Variants in WDR83 observed in about 807,000 individuals in gnomAD.
WDR83 encodes the protein WD repeat domain 83.
A neutral mutation model predicts 37.7 loss-of-function variants in WDR83; 37 were observed. The ratio of observed to expected loss-of-function variants is 0.98; its 90% CI spans 0.76 to 1.29. WDR83 has a LOEUF of 1.29. Ranked by LOEUF, WDR83 falls within the 50% of genes most tolerant of loss-of-function variation. WDR83 has a pLI of 0.00. For missense variants in WDR83, 445 were observed against 414.4 expected, an observed-to-expected ratio of 1.07 and a Z score of -0.64; for synonymous variants, 174 against 181.1, an observed-to-expected ratio of 0.96 and a Z score of 0.31.
At position 12,670,187 on chromosome 19, in the gene WDR83, G is replaced by A. The variant is rs895651076; in HGVS notation, c.232G>A (p.Asp78Asn). Residue 78 changes from aspartate to asparagine, a missense_variant, in exon 5 of 11, where the codon GAC becomes AAC. Physicochemically the swap from Asp to Asn is conservative, Grantham distance 23. Transcript: ENST00000418543. ...CCTCCTCCTTTACTCCAGCTCCTTT[G>A]ACAACAGTAGTCTCTGCTCCGGCGG... is the stretch of plus-strand genomic sequence containing the variant. ...YEVLDAAGSF[D>N]NSSLCSGGGD... is the part of the protein sequence containing the mutation. The A allele has an allele frequency of 1.9e-6, 3 of 1,613,664 alleles. No homozygotes were observed. The highest frequency in any genetic ancestry group is 2.7e-5 in the African/African-American group (2 of 74,930).
intron 2 of WDR83, 137 bp downstream of exon 2, chr19:12,668,764 G>C: frequency 1.4e-6 from 1 of 699,286 alleles, no homozygotes; most frequent in Non-Finnish European, 2.5e-6. Context: ...AGTCCCACCT[G>C]CTCATGGCAT....
chr19:12,675,187 G>A (rs994312039), intron 10 of WDR83, among the ~76,000 whole-genome samples: 5 of 152,186 alleles, frequency 3.3e-5, no homozygotes, highest in Non-Finnish European at 7.4e-5. Context: ...AGCACTTTGG[G>A]AGGCCAAGGC....
At position 12,675,618 on chromosome 19, in the gene WDR83, C is replaced by T; in HGVS notation, c.894C>T (p.Gly298=). The T allele has an allele frequency of 6.2e-7, 1 of 1,603,750 alleles. No individual in the cohort carries two copies. Among genetic ancestry groups the T allele is most frequent in the Non-Finnish European group, 8.5e-7 (1 of 1,179,908 alleles). The change falls in exon 11 of 11, where the codon GGC becomes GGT. Residue 298 remains glycine, a synonymous_variant. Coordinates refer to ENST00000418543, the MANE Select transcript of WDR83 (RefSeq NM_001099737.3). ...CCTGCCTGCTGACCGCCATGGGAGG[C>T]AGCGTCCAGTGCTGGCGAGAGGAGG... ...TEPCLLTAMG[G]SVQCWREEAY... is the part of the protein sequence containing the mutation.
chr19:12,675,491 C>T, intron 10 of WDR83, 32 bp from the exon 11 acceptor site: 1 of 1,596,042 alleles, frequency 6.3e-7, no homozygotes, highest in East Asian at 2.2e-5. Flanking sequence ...AGCCCAGCCA[C>T]AGATAACCAC....
chr19:12,667,627 C>T (rs2024290260), intron 1 of WDR83, among the ~76,000 whole-genome samples: 2 of 152,118 alleles, frequency 1.3e-5, no homozygotes, highest in African/African-American at 4.8e-5. Flanking sequence ...CCATTGCCCT[C>T]CAGCCTGGGC....
Position 12,669,869 on chromosome 19 carries a change from G to GT in WDR83, c.79_80insT (p.Ala27ValfsTer8). ...GAAGACGCTGGACTGCGGGCAGGGG[G>GT]CAGTGCGAGCCGTACGATTTAATGG... On this transcript the variant is annotated frameshift_variant, in exon 3 of 11. Transcript: ENST00000418543. LOFTEE classifies it high-confidence loss of function. The GT allele has an allele frequency of 6.2e-7, 1 of 1,611,506 alleles. No homozygotes were observed. Among genetic ancestry groups the GT allele is most frequent in the Non-Finnish European group, 8.5e-7 (1 of 1,178,580 alleles).
At chr19:12,670,935 C>T in intron 7 of WDR83, 114 bp downstream of exon 7, 2 of 1,468,656 alleles carry the variant, frequency 1.4e-6, no homozygotes, top group South Asian at 2.6e-5. Context: ...AGCTGTAATC[C>T]CAGCTACTTG....
Position 12,670,177 on chromosome 19 carries a change from C to A in WDR83, c.225-3C>A, listed in dbSNP as rs753326678. 1.2e-6 allele frequency: 2 copies of A among 1,613,214 alleles called. No individual in the cohort carries two copies. Among genetic ancestry groups the A allele is most frequent in the South Asian group, 2.2e-5 (2 of 91,024 alleles). Reference sequence around the variant, plus strand: ...TGCTGATCCTCCTCCTCCTTTACTCCAGCTCCTTTGACAACAGTAGTCTCT... The same window carrying A: ...TGCTGATCCTCCTCCTCCTTTACTCAAGCTCCTTTGACAACAGTAGTCTCT... On this transcript the variant is annotated splice_polypyrimidine_tract_variant and splice_region_variant and intron_variant, in intron 4 of 10. Coordinates refer to ENST00000418543, the MANE Select transcript of WDR83 (RefSeq NM_001099737.3).
Position 12,669,840 on chromosome 19 carries a change from G to A in WDR83, c.50G>A (p.Arg17Gln). ...CGGCCTCCAGAGCTGCCGCAGAAACGGTTGAAGACGCTGGACTGCGGGCAG... is the reference window on the plus strand; with the variant it reads ...CGGCCTCCAGAGCTGCCGCAGAAACAGTTGAAGACGCTGGACTGCGGGCAG... ...KPRPPELPQKRLKTLDCGQGA... is the reference protein window; with the variant it reads ...KPRPPELPQKQLKTLDCGQGA... The change falls in exon 3 of 11, where the codon CGG becomes CAG. Residue 17 changes from arginine to glutamine, a missense_variant. Coordinates refer to ENST00000418543, the MANE Select transcript of WDR83 (RefSeq NM_001099737.3). 1 of 1,612,184 alleles carries A rather than the reference G, an allele frequency of 6.2e-7. No homozygotes were observed. The highest frequency in any genetic ancestry group is 2.2e-5 in the East Asian group (1 of 44,854).
Position 12,673,075 on chromosome 19 carries a change from AT to A in WDR83, c.644del (p.Leu215CysfsTer29), listed in dbSNP as rs1259245061. 1.2e-6 allele frequency: 2 copies of A among 1,613,310 alleles called. No individual in the cohort carries two copies. On this transcript the variant is annotated frameshift_variant, in exon 9 of 11. Transcript: ENST00000418543. LOFTEE classifies it high-confidence loss of function. ...CCCTGGTGTCCAGCCTGGACTCCAC[AT>A]TGCGGCTCCTGGACAAAGACACAGG... Reference protein sequence around the residue: ...CTLVSSLDSTLRLLDKDTGEL... With the variant: ...CTLVSSLDSTXRLLDKDTGEL...
At chr19:12,669,092 G>C (rs181324830) in intron 2 of WDR83, 310 of 1,602,106 alleles carry the variant, frequency 1.9e-4, no homozygotes, top group Non-Finnish European at 2.5e-4. Flanking sequence ...TCGTTCTCAG[G>C]TCCAACTACA....
At chr19:12,669,956 C>T (rs755752670) in intron 3 of WDR83, 21 bp from the exon 4 acceptor site, 4 of 1,605,008 alleles carry the variant, frequency 2.5e-6, no homozygotes, top group East Asian at 2.2e-5. Flanking sequence ...GGCCCAGTAA[C>T]CCCCGCCTGG....
chr19:12,673,471 G>A (rs1243437846), intron 10 of WDR83, among the ~76,000 whole-genome samples, 155 bp downstream of exon 10: 4 of 143,678 alleles, frequency 2.8e-5, no homozygotes, highest in Non-Finnish European at 6.0e-5. Flanking sequence ...AGGCTAGAGT[G>A]CAGTGGCGCA....
intron 7 of WDR83, among the ~76,000 whole-genome samples, chr19:12,671,686 A>G (rs1045896229): frequency 3.3e-5 from 5 of 152,300 alleles, no homozygotes; most frequent in Admixed American, 3.3e-4. Context: ...ATACATAAAA[A>G]TAATCATAAG....
chr19:12,670,003 G>C lies in WDR83; in HGVS notation c.130G>C (p.Gly44Arg). The C allele has an allele frequency of 4.3e-6, 7 of 1,612,046 alleles. No individual in the cohort carries two copies. The highest frequency in any genetic ancestry group is 5.9e-6 in the Non-Finnish European group (7 of 1,178,338). The change falls in exon 4 of 11, where the codon GGC becomes CGC. Residue 44 changes from glycine to arginine, a missense_variant. Transcript: ENST00000418543. Reference sequence around the variant, plus strand: ...GGATGGCAATTACTGCCTGACGTGCGGCAGTGACAAGACGCTGAAGCTGTG... The same window carrying C: ...GGATGGCAATTACTGCCTGACGTGCCGCAGTGACAAGACGCTGAAGCTGTG... Reference protein sequence around the residue: ...NVDGNYCLTCGSDKTLKLWNP... With the variant: ...NVDGNYCLTCRSDKTLKLWNP...
Position 12,670,329 on chromosome 19 carries a change from G to A in WDR83, c.330+44G>A, listed in dbSNP as rs544954101. 7 of 1,596,460 alleles carry A rather than the reference G, an allele frequency of 4.4e-6. No homozygotes were observed. In the East Asian group the frequency reaches 1.1e-4, roughly 26 times the overall value. ...ACCCTCATTTGAGTGGAGGGGACCCGTATTAGCGCATAGGTGGTGACACGG... is the reference window on the plus strand; with the variant it reads ...ACCCTCATTTGAGTGGAGGGGACCCATATTAGCGCATAGGTGGTGACACGG... On this transcript the variant is annotated intron_variant, in intron 5 of 10. Coordinates refer to ENST00000418543, the MANE Select transcript of WDR83 (RefSeq NM_001099737.3).
rs2024548252 is a variant in WDR83, at chr19:12,675,525, T to C, written c.801T>C (p.Gly267=). The C allele has an allele frequency of 1.2e-6, 2 of 1,603,918 alleles. No individual in the cohort carries two copies. The highest frequency in any genetic ancestry group is 1.3e-5 in the African/African-American group (1 of 74,932). The change falls in exon 11 of 11, where the codon GGT becomes GGC. Residue 267 remains glycine, a splice_region_variant and synonymous_variant. Coordinates refer to ENST00000418543, the MANE Select transcript of WDR83 (RefSeq NM_001099737.3). The stretch of plus-strand genomic sequence containing the variant: ...ACTCCCTACCCCTCGCTCCACAGGG[T>C]GCGCTGGCTCTGGCCCTGCCTGTGG... ...GKVFFWDLVE[G]ALALALPVGS... is the part of the protein sequence containing the mutation.
intron 5 of WDR83, 35 bp from the exon 6 acceptor site, chr19:12,670,528 G>A (rs1255750474): frequency 6.2e-7 from 1 of 1,614,096 alleles, no homozygotes; most frequent in Non-Finnish European, 8.5e-7. Context: ...GTCCTCCAAA[G>A]TCCAGCCTCC....
rs1488592306 is a variant in WDR83 at position 12,672,702 on chromosome 19, C to T, written c.507-145C>T. 6.2e-6 allele frequency: 5 copies of T among 800,304 alleles called. No individual in the cohort carries two copies. In the East Asian group the frequency reaches 1.1e-4, roughly 17 times the overall value. The allele number at this position is 800,304 out of a possible 1,614,324, so 49.6% of individuals were successfully genotyped here. A position where few individuals can be genotyped will look rare whatever the true frequency, so the allele number is the denominator to read the frequency against. On this transcript the variant is annotated intron_variant, in intron 7 of 10. Transcript: ENST00000418543. Reference sequence around the variant, plus strand: ...AATGATGGAGTAGGACGTAATTGGCCCTGGGCCTGAGTCTCAAGGCCAGAG... The same window carrying T: ...AATGATGGAGTAGGACGTAATTGGCTCTGGGCCTGAGTCTCAAGGCCAGAG...
Sources: gnomAD v4.1 joint callset for allele counts (sites outside exome capture counted in the v4.1 genomes callset) on GRCh38, gnomAD v4.1.1 for gene constraint, MANE v1.5 for transcripts, NCBI Gene and HGNC (gene_info 2026-07-23, HGNC 2026-07-21) for gene names.